ADCK5: variants seen among roughly 807,000 people sequenced by gnomAD.
The protein encoded by ADCK5 is aarF domain containing kinase 5, also known as uncharacterized aarF domain-containing protein kinase 5.
A neutral mutation model predicts 64.9 loss-of-function variants in ADCK5; 43 were observed. The observed-to-expected ratio is 0.66, with a 90% confidence interval of 0.52 to 0.85. The LOEUF (loss-of-function observed/expected upper bound fraction) is 0.85. Among genes scored for constraint, ADCK5 ranks in the 40% least tolerant of loss-of-function variants. ADCK5 has a pLI of 0.00. For missense variants in ADCK5, 760 were observed against 810.5 expected (o/e 0.94, Z 0.76); for synonymous variants, 434 against 342.8 (o/e 1.27, Z -2.94).
At chr8:144,373,928 G>A, upstream of ADCK5, 3 of 778,580 alleles carry the variant, frequency 3.9e-6, no homozygotes, top group East Asian at 3.5e-5. Context: ...ACGCTGCCCC[G>A]CCGCGGAGGC....
At chr8:144,375,342 C>A in intron 1 of ADCK5, 1 of 610,580 alleles carries the variant, frequency 1.6e-6, no homozygotes, top group Non-Finnish European at 2.0e-6. Context: ...ACTTACCCTG[C>A]CCAGACTCCC....
intron 7 of ADCK5, 24 bp from the exon 8 acceptor site, chr8:144,391,556 C>A (rs1820230014): frequency 2.5e-6 from 4 of 1,583,620 alleles, no homozygotes; most frequent in Non-Finnish European, 3.4e-6. Context: ...CAGAGCTGGT[C>A]TTCAACCGCC....
At chr8:144,375,520 T>C (rs1315412517) in intron 1 of ADCK5, 33 of 985,352 alleles carry the variant, frequency 3.3e-5, no homozygotes, top group Non-Finnish European at 3.9e-5. Flanking sequence ...CGGCCGGGCC[T>C]GTCTGTGGGA....
At chr8:144,392,743 G>T in intron 13 of ADCK5, 33 bp from the exon 14 acceptor site, 15 of 1,586,804 alleles carry the variant, frequency 9.5e-6, no homozygotes, top group Non-Finnish European at 1.3e-5. Flanking sequence ...GGCTGGTGTG[G>T]GGCTGACGCG....
At chr8:144,390,524 C>CTGTG in intron 3 of ADCK5, 147 bp from the exon 4 acceptor site, 1 of 833,958 alleles carries the variant, frequency 1.2e-6, no homozygotes, top group Non-Finnish European at 1.9e-6. Flanking sequence ...GCCTACGCGG[C>CTGTG]TGTAGGCTGG....
At chr8:144,383,896 T>G (rs2130706581) in intron 3 of ADCK5, among the ~76,000 whole-genome samples, 1 of 136,944 alleles carries the variant, frequency 7.3e-6, no homozygotes, top group Admixed American at 7.4e-5. Flanking sequence ...CTTTTTTTTT[T>G]TTTTTTTTTT....
Position 144,393,024 on chromosome 8 carries a change from C to T in ADCK5, c.1693C>T (p.Leu565=). ...TALLARALVH[L]SLVPPAEELY... ...CCTCCTGGCTCGTGCTCTGGTCCACCTGAGCCTCGTGCCCCCAGCGGAGGA... is the reference window on the plus strand; with the variant it reads ...CCTCCTGGCTCGTGCTCTGGTCCACTTGAGCCTCGTGCCCCCAGCGGAGGA... Residue 565 remains leucine, a synonymous_variant, in exon 15 of 15, where the codon CTG becomes TTG. Coordinates refer to ENST00000308860, the MANE Select transcript of ADCK5 (RefSeq NM_174922.5). 1 of 1,591,798 alleles carries T rather than the reference C, an allele frequency of 6.3e-7. No homozygotes were observed.
In ADCK5 at chr8:144,391,279, A is replaced by G. The variant is rs782598757; in HGVS notation, c.684+5A>G. 14 of 1,612,270 alleles carry G rather than the reference A, an allele frequency of 8.7e-6. 1 individual carries two copies. The South Asian group carries it at 1.5e-4, about 18-fold the overall frequency. Reference sequence around the variant, plus strand: ...GGCACCAGCGTGGCTGTGAAGGTATATGGGGGCTGCCTTGTTCAGCAGTGG... The same window carrying G: ...GGCACCAGCGTGGCTGTGAAGGTATGTGGGGGCTGCCTTGTTCAGCAGTGG... On this transcript the variant is annotated splice_donor_5th_base_variant and intron_variant, in intron 6 of 14. Transcript: ENST00000308860.
At chr8:144,373,740 T>C (rs1190438077), upstream of ADCK5, 6 of 292,512 alleles carry the variant, frequency 2.1e-5, no homozygotes, top group Non-Finnish European at 3.2e-5. Flanking sequence ...TACCGGGCCG[T>C]GAGGACCTCA....
At chr8:144,391,508 C>A in intron 7 of ADCK5, 34 bp downstream of exon 7, 4 of 1,595,356 alleles carry the variant, frequency 2.5e-6, no homozygotes, top group Non-Finnish European at 2.6e-6. Context: ...CCAGCAGGAG[C>A]AAACACGTAG....
Position 144,384,655 on chromosome 8 carries a change from G to A in ADCK5, c.266+1425G>A, listed in dbSNP as rs1197209341. On this transcript the variant is annotated intron_variant, in intron 3 of 14. Coordinates refer to ENST00000308860, the MANE Select transcript of ADCK5 (RefSeq NM_174922.5). This position sits in a 1 kb window ranked among gnomAD's most constrained non-coding sequence, Gnocchi z 5.7. Reference sequence around the variant, plus strand: ...GGGCCACACAGGGCTGCCAGCCACCGTCCCCTGCAGCCTGGTTCTGAAATG... The same window carrying A: ...GGGCCACACAGGGCTGCCAGCCACCATCCCCTGCAGCCTGGTTCTGAAATG... Among the ~76,000 whole-genome samples, 1 of 152,180 alleles carries A rather than the reference G, an allele frequency of 6.6e-6. No individual in the cohort carries two copies. Among genetic ancestry groups the A allele is most frequent in the African/African-American group, 2.4e-5 (1 of 41,438 alleles).
In ADCK5 at chr8:144,392,017, G is replaced by A; in HGVS notation, c.1091G>A (p.Gly364Asp). The A allele has an allele frequency of 6.2e-7, 1 of 1,612,726 alleles. No homozygotes were observed. Among genetic ancestry groups the A allele is most frequent in the Non-Finnish European group, 8.5e-7 (1 of 1,179,968 alleles). The change falls in exon 10 of 15, where the codon GGC (glycine) becomes GAC (aspartate). Residue 364 changes from glycine to aspartate, a missense_variant. Coordinates refer to ENST00000308860, the MANE Select transcript of ADCK5 (RefSeq NM_174922.5). ...TGFIHSDPHP[G>D]NVLVRKGPDG... ...TTCATCCACTCGGACCCACATCCTG[G>A]CAACGGTAGGAATTTACCCCAGGGG...
chr8:144,374,412 G>T (rs1204578360), intron 1 of ADCK5, among the ~76,000 whole-genome samples: 2 of 152,132 alleles, frequency 1.3e-5, no homozygotes, highest in East Asian at 3.9e-4. Context: ...GCTCAGGCTG[G>T]TCTCGAATTC....
At chr8:144,379,821 C>T (rs1819523015) in intron 2 of ADCK5, among the ~76,000 whole-genome samples, 1 of 152,124 alleles carries the variant, frequency 6.6e-6, no homozygotes, top group Non-Finnish European at 1.5e-5. Flanking sequence ...AGGTGGGAGT[C>T]ACACAAGAGG....
intron 2 of ADCK5, among the ~76,000 whole-genome samples, chr8:144,381,944 C>T (rs11248206): frequency 5.8e-4 from 70 of 119,932 alleles, no homozygotes; most frequent in Admixed American, 1.1e-3. Flanking sequence ...AGGCACCTGC[C>T]GCACTCAGGA....
At chr8:144,389,214 C>A (rs910612846) in intron 3 of ADCK5, 5 of 455,210 alleles carry the variant, frequency 1.1e-5, no homozygotes, top group Admixed American at 9.4e-5. Context: ...TCAACAGATA[C>A]CCAGGATGTC....
Position 144,383,106 on chromosome 8 carries a change from A to G in ADCK5, c.142A>G (p.Arg48Gly). 1 of 1,588,534 alleles carries G rather than the reference A, an allele frequency of 6.3e-7. No individual in the cohort carries two copies. The highest frequency in any genetic ancestry group is 8.6e-7 in the Non-Finnish European group (1 of 1,167,652). Residue 48 changes from arginine to glycine, a missense_variant, in exon 3 of 15, where the codon AGG becomes GGG. Coordinates refer to ENST00000308860, the MANE Select transcript of ADCK5 (RefSeq NM_174922.5). ...PRFSSPTPLW[R>G]KVLSTAVVGA... ...GTTCTCCAGCCCCACACCCCTGTGG[A>G]GGAAGGTGCTCTCCACCGCGGTAGT...
chr8:144,387,979 G>A (rs1449045423), intron 3 of ADCK5, among the ~76,000 whole-genome samples: 10 of 151,466 alleles, frequency 6.6e-5, no homozygotes, highest in South Asian at 4.2e-4. Context: ...GGATCCGCCC[G>A]CCTTGGCCTC....
At chr8:144,391,525 C>T in intron 7 of ADCK5, 51 bp downstream of exon 7, 1 of 1,587,150 alleles carries the variant, frequency 6.3e-7, no homozygotes, top group Non-Finnish European at 8.5e-7. Flanking sequence ...GTAGGCAGAG[C>T]TGGTAGGAGC....
Sources: gnomAD v4.1 joint callset for allele counts (sites outside exome capture counted in the v4.1 genomes callset) on GRCh38, gnomAD v4.1.1 for gene constraint, Gnocchi (gnomAD v3.1) non-coding constraint, MANE v1.5 for transcripts, NCBI Gene and HGNC (gene_info 2026-07-23, HGNC 2026-07-21) for gene names.